The following RAPGEF1 variants were observed in gnomAD, a reference collection of about 807,000 sequenced individuals.
RAPGEF1 encodes Rap guanine nucleotide exchange factor 1.
Under a neutral mutation model 143.3 loss-of-function variants are expected in RAPGEF1, and 33 were observed. The observed-to-expected ratio is 0.23, with a 90% CI of 0.17 to 0.31. The LOEUF is 0.31. Ranked by LOEUF, RAPGEF1 falls within the 10% of genes least tolerant of loss-of-function variation. The pLI, the probability that RAPGEF1 is intolerant of heterozygous loss-of-function variation, is 1.00. For synonymous variants in RAPGEF1, 629 were observed against 676.5 expected (o/e 0.93, Z 1.09); for missense variants, 1,199 against 1,645.4 (o/e 0.73, Z 4.69).
intron 12 of RAPGEF1, among the ~76,000 whole-genome samples, chr9:131,609,156 T>G (rs549026585): frequency 1.3e-5 from 2 of 152,046 alleles, no homozygotes; most frequent in East Asian, 3.9e-4. Flanking sequence ...CCTGGTCACA[T>G]AGCCAGTCGA....
Position 131,675,440 on chromosome 9 carries a change from G to A in RAPGEF1, c.62-24491C>T, listed in dbSNP as rs540624897. ...TCACCATGTGTTTTTTTCTTCACCG[G>A]CCATGAGAAAGGATTAATTCAGAAA... On this transcript the variant is annotated intron_variant, in intron 1 of 26. Transcript: ENST00000683357. This position sits in a 1 kb window ranked among gnomAD's most constrained non-coding sequence, Gnocchi z 4.6. Among the ~76,000 whole-genome samples the A allele has an allele frequency of 6.6e-6, 1 of 152,276 alleles. No individual in the cohort carries two copies. Among genetic ancestry groups the A allele is most frequent in the African/African-American group, 2.4e-5 (1 of 41,556 alleles).
intron 1 of RAPGEF1, among the ~76,000 whole-genome samples, chr9:131,671,642 T>TG (rs1259789268): frequency 6.6e-6 from 1 of 151,928 alleles, no homozygotes; most frequent in Non-Finnish European, 1.5e-5. Context: ...TGAGGACATG[T>TG]GGGGGTCACT....
intron 4 of RAPGEF1, among the ~76,000 whole-genome samples, chr9:131,639,979 T>C (rs1213913902): frequency 2.6e-5 from 4 of 152,028 alleles, no homozygotes; most frequent in Non-Finnish European, 5.9e-5. Flanking sequence ...GAGAAAAGGG[T>C]CGGCAGGAAT....
intron 12 of RAPGEF1, among the ~76,000 whole-genome samples, chr9:131,608,736 A>G (rs1209936771): frequency 1.3e-5 from 2 of 152,166 alleles, no homozygotes; most frequent in Non-Finnish European, 2.9e-5. Context: ...GATCACCATG[A>G]AGCCCTTGCT....
intron 4 of RAPGEF1, among the ~76,000 whole-genome samples, chr9:131,642,010 T>C (rs1400801952): frequency 6.6e-6 from 1 of 152,224 alleles, no homozygotes; most frequent in Non-Finnish European, 1.5e-5. Context: ...CACTAAGTCA[T>C]CTTGCGGAAT....
chr9:131,714,585 C>A (rs1835728274), intron 1 of RAPGEF1, among the ~76,000 whole-genome samples: 1 of 152,140 alleles, frequency 6.6e-6, no homozygotes, highest in African/African-American at 2.4e-5. Flanking sequence ...AGTGTGAGTT[C>A]CAGCTCAGCC....
rs34592300 is a variant in RAPGEF1 at position 131,667,609 on chromosome 9, C to T, written c.62-16660G>A. On this transcript the variant is annotated intron_variant, in intron 1 of 26. Transcript: ENST00000683357. The surrounding 1 kb of genome is among the most constrained non-coding windows in gnomAD (Gnocchi z 4.6). ...TCCCAACATTCCAGACTGATTTTCT[C>T]TGAAGGTAGGGACCACAGTCATTCA... Among the ~76,000 whole-genome samples, 3,928 of 152,308 alleles carry T rather than the reference C, an allele frequency of 0.026. 81 individuals are homozygous for T. Among genetic ancestry groups the T allele is most frequent in the Non-Finnish European group, 0.043 (2,932 of 68,014 alleles).
At chr9:131,634,713 C>CA (rs35405559) in intron 5 of RAPGEF1, among the ~76,000 whole-genome samples, 11,226 of 61,036 alleles carry the variant, frequency 0.18, 3,247 homozygotes, top group Non-Finnish European at 0.22. Context: ...GACTCCGTCT[C>CA]AAAAAAAAAA....
chr9:131,709,854 T>C, intron 1 of RAPGEF1: 1 of 1,424,484 alleles, frequency 7.0e-7, no homozygotes, highest in Non-Finnish European at 9.1e-7. Flanking sequence ...TTCTCAAGTC[T>C]TTGCCTTCTG....
intron 1 of RAPGEF1, among the ~76,000 whole-genome samples, chr9:131,706,387 T>A (rs148673853): frequency 4.6e-5 from 7 of 152,204 alleles, no homozygotes; most frequent in African/African-American, 1.7e-4. Flanking sequence ...CTCAGCCTCC[T>A]GAGTAGCTGG....
chr9:131,633,269 A>T (rs2133136125), intron 5 of RAPGEF1, among the ~76,000 whole-genome samples: 1 of 152,372 alleles, frequency 6.6e-6, no homozygotes, highest in Middle Eastern at 3.4e-3. Context: ...GTTAGAAAAG[A>T]GGCAGCTCCC....
intron 12 of RAPGEF1, among the ~76,000 whole-genome samples, chr9:131,618,376 C>T (rs1169383224): frequency 6.6e-6 from 1 of 152,232 alleles, no homozygotes; most frequent in African/African-American, 2.4e-5. Context: ...GAGCAGCACA[C>T]CCATCCTGCT....
At chr9:131,589,783 G>T in intron 19 of RAPGEF1, 103 bp downstream of exon 19, 1 of 1,118,444 alleles carries the variant, frequency 8.9e-7, no homozygotes. Flanking sequence ...AGATAGAGCA[G>T]GCAAGAGCCA....
chr9:131,717,223 C>A (rs1268324933), intron 1 of RAPGEF1, among the ~76,000 whole-genome samples: 1 of 152,216 alleles, frequency 6.6e-6, no homozygotes, highest in Non-Finnish European at 1.5e-5. Flanking sequence ...CTTGACAGAG[C>A]CACTCACTGC....
intron 5 of RAPGEF1, 140 bp downstream of exon 5, chr9:131,638,495 G>T: frequency 1.1e-6 from 1 of 934,830 alleles, no homozygotes. Flanking sequence ...AAGTAGTTAT[G>T]GGATAGAGCG....
At chr9:131,726,108 GCAAA>G (rs1836650993) in intron 1 of RAPGEF1, among the ~76,000 whole-genome samples, 1 of 151,916 alleles carries the variant, frequency 6.6e-6, no homozygotes, top group African/African-American at 2.4e-5. Context: ...TCTATTTCTA[GCAAA>G]CAGACAGATA....
intron 1 of RAPGEF1, among the ~76,000 whole-genome samples, chr9:131,670,361 C>T (rs1831172355): frequency 6.6e-6 from 1 of 152,192 alleles, no homozygotes; most frequent in African/African-American, 2.4e-5. Context: ...TCACCACCAT[C>T]CTGTCCCCAC....
At chr9:131,684,302 A>G (rs1400880189) in intron 1 of RAPGEF1, among the ~76,000 whole-genome samples, 1 of 152,228 alleles carries the variant, frequency 6.6e-6, no homozygotes, top group South Asian at 2.1e-4. Flanking sequence ...GCCAATCAGG[A>G]GAGTCTTCTG....
chr9:131,699,883 T>C (rs1018036125), intron 1 of RAPGEF1, among the ~76,000 whole-genome samples: 3 of 152,126 alleles, frequency 2.0e-5, no homozygotes, highest in Admixed American at 6.5e-5. Flanking sequence ...ACACCATCTT[T>C]ATGTCAACAA....
Sources: allele counts gnomAD v4.1 joint callset (sites outside exome capture counted in the v4.1 genomes callset), GRCh38; gene constraint gnomAD v4.1.1; non-coding constraint Gnocchi (gnomAD v3.1); transcripts MANE v1.5; gene names NCBI Gene and HGNC (gene_info 2026-07-23, HGNC 2026-07-21).